The following PDE10A variants were observed in gnomAD, a reference collection of about 807,000 sequenced individuals.
The protein encoded by PDE10A is phosphodiesterase 10A, also known as cAMP and cAMP-inhibited cGMP 3',5'-cyclic phosphodiesterase 10A.
PDE10A carries 39 observed loss-of-function variants against 97.7 expected under a neutral mutation model. The ratio of observed to expected loss-of-function variants is 0.40; its 90% CI spans 0.31 to 0.52. The LOEUF is 0.52. PDE10A is among the 20% of genes least tolerant of loss of function. PDE10A has a pLI of 0.56. For missense variants in PDE10A, 731 were observed against 1,047.8 expected (o/e 0.70, Z 4.17); for synonymous variants, 371 against 376.8 (o/e 0.98, Z 0.18).
chr6:165,547,289 A>C (rs1298153713), intron 1 of PDE10A, among the ~76,000 whole-genome samples: 1 of 152,122 alleles, frequency 6.6e-6, no homozygotes. Flanking sequence ...TGGCAGGAGT[A>C]CTCATGAGCA....
chr6:165,565,403 A>G (rs1784725717), intron 1 of PDE10A, among the ~76,000 whole-genome samples: 1 of 152,164 alleles, frequency 6.6e-6, no homozygotes, highest in Non-Finnish European at 1.5e-5. Context: ...ATAGATACAA[A>G]CTCTATATGA....
intron 1 of PDE10A, among the ~76,000 whole-genome samples, chr6:165,827,030 C>T (rs1440573453): frequency 6.6e-6 from 1 of 152,090 alleles, no homozygotes; most frequent in Non-Finnish European, 1.5e-5. Flanking sequence ...TGACGCCAGC[C>T]GCACAGCCTC....
At chr6:165,718,017 C>G (rs1214116295) in intron 1 of PDE10A, among the ~76,000 whole-genome samples, 1 of 152,214 alleles carries the variant, frequency 6.6e-6, no homozygotes, top group African/African-American at 2.4e-5. Context: ...TTATATGACT[C>G]ATAAATATTT....
chr6:165,663,477 G>A (rs994040351), upstream of PDE10A, among the ~76,000 whole-genome samples: 1 of 152,226 alleles, frequency 6.6e-6, no homozygotes, highest in Non-Finnish European at 1.5e-5. Context: ...AGCTGCTCCA[G>A]CTGTGCGCTG....
chr6:165,548,751 A>C (rs1783863020), intron 1 of PDE10A, among the ~76,000 whole-genome samples: 1 of 152,188 alleles, frequency 6.6e-6, no homozygotes. Context: ...CTGAAATAAT[A>C]TGAAGAGAAA....
At chr6:165,744,867 AT>A (rs931533172) in intron 1 of PDE10A, among the ~76,000 whole-genome samples, 5 of 149,100 alleles carry the variant, frequency 3.4e-5, no homozygotes, top group African/African-American at 1.3e-4. Flanking sequence ...AAAAAAAAAA[AT>A]TCTGAGTTAC....
At chr6:165,629,341 C>G (rs1229571380) in intron 1 of PDE10A, among the ~76,000 whole-genome samples, 3 of 152,140 alleles carry the variant, frequency 2.0e-5, no homozygotes, top group Non-Finnish European at 4.4e-5. Flanking sequence ...CAGCATACAG[C>G]TAAGGTTCTA....
intron 1 of PDE10A, among the ~76,000 whole-genome samples, chr6:165,566,016 G>C (rs1441731781): frequency 6.6e-6 from 1 of 152,030 alleles, no homozygotes. Flanking sequence ...GATGAACCTG[G>C]GCATGTCATT....
intron 1 of PDE10A, among the ~76,000 whole-genome samples, chr6:165,909,234 G>A (rs931000563): frequency 6.6e-6 from 1 of 152,198 alleles, no homozygotes; most frequent in Non-Finnish European, 1.5e-5. Flanking sequence ...CACTCCCAGG[G>A]CCCCTGGCTG....
intron 6 of PDE10A, among the ~76,000 whole-genome samples, chr6:165,434,393 T>G (rs1305812741): frequency 1.3e-5 from 2 of 151,936 alleles, no homozygotes; most frequent in Non-Finnish European, 2.9e-5. Context: ...TATTAGCACT[T>G]AGAGCAATTT....
chr6:165,384,603 G>A (rs1785134081), intron 17 of PDE10A, among the ~76,000 whole-genome samples: 2 of 145,042 alleles, frequency 1.4e-5, no homozygotes, highest in African/African-American at 5.2e-5. Flanking sequence ...TCCCTACCAT[G>A]AGTAACGTGT....
intron 1 of PDE10A, among the ~76,000 whole-genome samples, chr6:165,850,210 C>T (rs956534738): frequency 1.3e-5 from 2 of 152,236 alleles, no homozygotes; most frequent in Non-Finnish European, 1.5e-5. Context: ...CATGGAGCCG[C>T]CACCTGGACT....
At chr6:165,588,713 T>C (rs1232920131) in intron 1 of PDE10A, among the ~76,000 whole-genome samples, 1 of 152,220 alleles carries the variant, frequency 6.6e-6, no homozygotes, top group Non-Finnish European at 1.5e-5. Context: ...TCATAGTTCA[T>C]GAAATCCACA....
intron 1 of PDE10A, among the ~76,000 whole-genome samples, chr6:165,831,793 C>T (rs1056436836): frequency 2.0e-5 from 3 of 152,112 alleles, no homozygotes; most frequent in Admixed American, 2.0e-4. Context: ...CCGCAGGAAT[C>T]ATTTCCTTAG....
intron 1 of PDE10A, among the ~76,000 whole-genome samples, chr6:165,615,650 AAAGT>A (rs1234464265): frequency 6.6e-6 from 1 of 152,248 alleles, no homozygotes; most frequent in Non-Finnish European, 1.5e-5. Context: ...TCCTTTCTAT[AAAGT>A]AATAATTTAT....
intron 1 of PDE10A, among the ~76,000 whole-genome samples, chr6:165,612,214 C>T (rs1156687652): frequency 6.6e-6 from 1 of 152,116 alleles, no homozygotes; most frequent in African/African-American, 2.4e-5. Flanking sequence ...TTGTTATTCT[C>T]CTATTACTCC....
chr6:165,956,062 A>G (rs1469596968), intron 1 of PDE10A, among the ~76,000 whole-genome samples: 1 of 152,242 alleles, frequency 6.6e-6, no homozygotes. Context: ...GAAAATTGTC[A>G]AGGGTTCTTT....
intron 13 of PDE10A, among the ~76,000 whole-genome samples, chr6:165,407,109 G>A (rs560089422): frequency 5.3e-5 from 8 of 152,206 alleles, no homozygotes; most frequent in Non-Finnish European, 8.8e-5. Flanking sequence ...GTCCTCGCTC[G>A]TGTATCTATT....
intron 1 of PDE10A, among the ~76,000 whole-genome samples, chr6:165,701,999 G>A (rs1264004887): frequency 1.3e-5 from 2 of 152,216 alleles, no homozygotes; most frequent in African/African-American, 4.8e-5. Flanking sequence ...CTGGGCCCTG[G>A]AACTACAGGA....
Sources: allele counts gnomAD v4.1 joint callset (sites outside exome capture counted in the v4.1 genomes callset), GRCh38; gene constraint gnomAD v4.1.1; transcripts MANE v1.5; gene names NCBI Gene and HGNC (gene_info 2026-07-23, HGNC 2026-07-21).